Variants in WDR26 observed in about 807,000 individuals in gnomAD.
WDR26 encodes WD repeat domain 26.
In WDR26, 5 loss-of-function variants were observed where a neutral mutation model predicts 84.1. The ratio of observed to expected loss-of-function variants is 0.06; its 90% CI spans 0.03 to 0.13. The LOEUF is 0.13. Among genes scored for constraint, WDR26 ranks in the 10% least tolerant of loss-of-function variants. The probability of loss-of-function intolerance (pLI) is 1.00; values close to 1 mark genes in which losing one functional copy is unlikely to be tolerated. For synonymous variants in WDR26, 415 were observed against 389.6 expected (o/e 1.07, Z -0.77); for missense variants, 642 against 974.9 (o/e 0.66, Z 4.55).
rs10495220 is a variant in WDR26 at position 224,387,270 on chromosome 1, C to G, written c.*2565G>C. ...AAGTTTTCAATTAATAGCTATGGAT[C>G]AGAAAATCCTGCGATCAGTTTCTCA... On this transcript the variant is annotated 3_prime_UTR_variant, in exon 14 of 14. Transcript: ENST00000414423. 18,009 of 152,546 alleles carry G rather than the reference C, an allele frequency of 0.12. 1,300 individuals are homozygous for G. The highest frequency in any genetic ancestry group is 0.25 in the South Asian group (1,182 of 4,810). 9.4% of individuals were successfully genotyped at this position (152,546 alleles called of 1,614,324 possible). A position where few individuals can be genotyped will look rare whatever the true frequency, so the allele number is the denominator to read the frequency against.
rs1673027108 is a variant in WDR26, at chr1:224,387,991, C to CA, written c.*1843dup. 1 of 152,580 alleles carries CA rather than the reference C, an allele frequency of 6.6e-6. No homozygotes were observed. Among genetic ancestry groups the CA allele is most frequent in the Non-Finnish European group, 1.5e-5 (1 of 68,022 alleles). 9.5% of individuals were successfully genotyped at this position (152,580 alleles called of 1,614,324 possible). A position where few individuals can be genotyped will look rare whatever the true frequency, so the allele number is the denominator to read the frequency against. ...TTGATTCTCTAAGTGGTGGTCTCTGCAAAATGGAGCTTGAAGAAATCTTTT... is the reference window on the plus strand; with the variant it reads ...TTGATTCTCTAAGTGGTGGTCTCTGCAAAAATGGAGCTTGAAGAAATCTTTT... On this transcript the variant is annotated 3_prime_UTR_variant, in exon 14 of 14. Coordinates refer to ENST00000414423, the MANE Select transcript of WDR26 (RefSeq NM_001379403.1).
chr1:224,418,205 C>A, intron 6 of WDR26, 55 bp downstream of exon 6: 4 of 1,500,810 alleles, frequency 2.7e-6, no homozygotes, highest in South Asian at 2.7e-5. Context: ...AAAAAGAAAA[C>A]TAAAATTTTG....
At chr1:224,430,404 C>T (rs535297334) in intron 3 of WDR26, 2 of 151,912 alleles carry the variant, frequency 1.3e-5, no homozygotes, top group African/African-American at 4.8e-5. Context: ...TTTATTCTTG[C>T]TTGTTTGCAC....
chr1:224,419,525 T>C lies in WDR26; in HGVS notation c.1155A>G (p.Lys385=). 1 of 1,613,512 alleles carries C rather than the reference T, an allele frequency of 6.2e-7. No homozygotes were observed. The highest frequency in any genetic ancestry group is 8.5e-7 in the Non-Finnish European group (1 of 1,179,474). The change falls in exon 5 of 14, where the codon AAA becomes AAG. Residue 385 remains lysine, a synonymous_variant. Transcript: ENST00000414423. ...AAAAATTAAGACTCTTACTCTGAAG[T>C]TTATCCAATAGTTTAGATCGGGAAG...
intron 7 of WDR26, among the ~76,000 whole-genome samples, chr1:224,407,151 A>AATAT (rs1335487396): frequency 0.01 from 120 of 11,878 alleles, 11 homozygotes; most frequent in Non-Finnish European, 0.012. Context: ...AAAAAAAAAA[A>AATAT]ATATATATAT....
intron 9 of WDR26, among the ~76,000 whole-genome samples, chr1:224,399,571 G>A (rs1673353297): frequency 6.6e-6 from 1 of 152,126 alleles, no homozygotes; most frequent in South Asian, 2.1e-4. Context: ...GTTCTGAGAG[G>A]AACAACCCTT....
intron 6 of WDR26, among the ~76,000 whole-genome samples, chr1:224,414,018 G>T (rs1359922536): frequency 1.3e-5 from 2 of 151,022 alleles, no homozygotes; most frequent in Non-Finnish European, 2.9e-5. Flanking sequence ...CATCAAGTTG[G>T]CCAGGCTGGT....
At chr1:224,399,122 T>A in intron 9 of WDR26, 88 bp from the exon 10 acceptor site, 2 of 1,276,124 alleles carry the variant, frequency 1.6e-6, no homozygotes, top group Non-Finnish European at 1.0e-6. Flanking sequence ...TCACAATATC[T>A]TTTAGTAACA....
At chr1:224,411,649 T>C (rs1673739134) in intron 6 of WDR26, 84 bp from the exon 7 acceptor site, 1 of 1,383,482 alleles carries the variant, frequency 7.2e-7, no homozygotes, top group Non-Finnish European at 9.6e-7. Context: ...TGACAAAACT[T>C]CTTTGAAGAT....
At chr1:224,417,369 C>T (rs1276704484) in intron 6 of WDR26, among the ~76,000 whole-genome samples, 1 of 152,178 alleles carries the variant, frequency 6.6e-6, no homozygotes, top group Non-Finnish European at 1.5e-5. Flanking sequence ...TTCTTGAAGT[C>T]TGAAATATTT....
chr1:224,394,241 T>C (rs1397210866), intron 12 of WDR26, among the ~76,000 whole-genome samples: 2 of 152,178 alleles, frequency 1.3e-5, no homozygotes, highest in East Asian at 1.9e-4. Context: ...AAAAAAACTA[T>C]CTGCAATATT....
intron 7 of WDR26, among the ~76,000 whole-genome samples, chr1:224,407,594 C>T (rs928487565): frequency 6.0e-5 from 9 of 151,014 alleles, no homozygotes; most frequent in African/African-American, 1.2e-4. Context: ...TTGCACCCTC[C>T]GCCTCCCAGG....
chr1:224,391,003 T>C (rs1347255328), intron 13 of WDR26, among the ~76,000 whole-genome samples: 1 of 152,096 alleles, frequency 6.6e-6, no homozygotes, highest in African/African-American at 2.4e-5. Flanking sequence ...GTCCTGCTTC[T>C]TTCACTTAGC....
At chr1:224,424,851 C>G in intron 3 of WDR26, 197 bp from the exon 4 acceptor site, 1 of 622,390 alleles carries the variant, frequency 1.6e-6, no homozygotes, top group Non-Finnish European at 2.8e-6. Flanking sequence ...AATTCCACAT[C>G]TTACTAAAAC....
intron 4 of WDR26, 67 bp from the exon 5 acceptor site, chr1:224,419,682 G>C: frequency 1.6e-6 from 2 of 1,271,850 alleles, no homozygotes; most frequent in Non-Finnish European, 2.3e-6. Context: ...TAATTGAAAA[G>C]TACTGACCAT....
At chr1:224,402,059 G>C (rs1294819605) in intron 8 of WDR26, 1 of 152,188 alleles carries the variant, frequency 6.6e-6, no homozygotes, top group Admixed American at 6.5e-5. Flanking sequence ...GGATCTGAGA[G>C]ATAATAGCTG....
intron 3 of WDR26, 73 bp from the exon 4 acceptor site, chr1:224,424,727 GA>G: frequency 6.3e-7 from 1 of 1,591,066 alleles, no homozygotes; most frequent in African/African-American, 1.3e-5. Flanking sequence ...TGCCTAAACA[GA>G]ACAGTAGAAA....
At position 224,424,424 on chromosome 1, in the gene WDR26, T is replaced by C; in HGVS notation, c.1064+94A>G. The C allele has an allele frequency of 2.0e-6, 3 of 1,494,182 alleles. No homozygotes were observed. The South Asian group carries it at 3.8e-5, about 19-fold the overall frequency. 92.6% of individuals were successfully genotyped at this position (1,494,182 alleles called of 1,614,324 possible). A position where few individuals can be genotyped will look rare whatever the true frequency, so the allele number is the denominator to read the frequency against. Reference sequence around the variant, plus strand: ...TTACCTAGACAAATATCTAAGAATTTAGCAATAATCAAGATTTTATATTTT... The same window carrying C: ...TTACCTAGACAAATATCTAAGAATTCAGCAATAATCAAGATTTTATATTTT... On this transcript the variant is annotated intron_variant, in intron 4 of 13. Coordinates refer to ENST00000414423, the MANE Select transcript of WDR26 (RefSeq NM_001379403.1).
In WDR26 at chr1:224,434,504, G is replaced by A. The variant is rs1385400231; in HGVS notation, c.-99C>T. On this transcript the variant is annotated 5_prime_UTR_variant, in exon 1 of 14. Transcript: ENST00000414423. ...GGGAGGCGGGGAGGGGGTCAGGGTA[G>A]GAGGGTGAGGGTGAGGGTGAGAGGA... The A allele has an allele frequency of 2.2e-6, 1 of 454,300 alleles. No homozygotes were observed. Among genetic ancestry groups the A allele is most frequent in the Non-Finnish European group, 2.8e-6 (1 of 353,500 alleles). The allele number at this position is 454,300 out of a possible 1,614,324, so 28.1% of individuals were successfully genotyped here. A position where few individuals can be genotyped will look rare whatever the true frequency, so the allele number is the denominator to read the frequency against.
Sources: gnomAD v4.1 joint callset for allele counts (sites outside exome capture counted in the v4.1 genomes callset) on GRCh38, gnomAD v4.1.1 for gene constraint, MANE v1.5 for transcripts, NCBI Gene and HGNC (gene_info 2026-07-23, HGNC 2026-07-21) for gene names.